KLC1: variants seen among roughly 807,000 people sequenced by gnomAD.
The protein encoded by KLC1 is kinesin 2 60/70kDa.
KLC1 carries 30 observed loss-of-function variants against 84.2 expected under a neutral mutation model. That is an observed-to-expected ratio of 0.36 (90% CI 0.27 to 0.48). The LOEUF is 0.48. Ranked by LOEUF, KLC1 falls within the 20% of genes least tolerant of loss-of-function variation. The pLI is 0.99. For synonymous variants in KLC1, 289 were observed against 293.3 expected, an observed-to-expected ratio of 0.99 and a Z score of 0.15; for missense variants, 499 against 805.4, an observed-to-expected ratio of 0.62 and a Z score of 4.60.
At chr14:103,632,710 A>G (rs1412788051) in intron 1 of KLC1, among the ~76,000 whole-genome samples, 2 of 152,102 alleles carry the variant, frequency 1.3e-5, no homozygotes, top group Non-Finnish European at 2.9e-5. Flanking sequence ...AACAAGAGCA[A>G]AACTCTGCCT....
chr14:103,697,424 T>TG (rs1402505463), intron 15 of KLC1, among the ~76,000 whole-genome samples: 12 of 151,740 alleles, frequency 7.9e-5, no homozygotes, highest in Admixed American at 6.6e-4. Context: ...GCACATAAGG[T>TG]GGGGGGTGAC....
At chr14:103,692,482 G>C in intron 15 of KLC1, 57 bp downstream of exon 15, 2 of 1,457,958 alleles carry the variant, frequency 1.4e-6, no homozygotes, top group Non-Finnish European at 9.3e-7. Flanking sequence ...TGGCAGGTCT[G>C]CTGCAGACCC....
chr14:103,677,648 A>C lies in KLC1; in HGVS notation c.1488+125A>C, dbSNP rs1595506607. 4.4e-6 allele frequency: 3 copies of C among 680,520 alleles called. No individual in the cohort carries two copies. The African/African-American group carries it at 5.4e-5, about 12-fold the overall frequency. The allele number at this position is 680,520 out of a possible 1,614,324, so 42.2% of individuals were successfully genotyped here. A position where few individuals can be genotyped will look rare whatever the true frequency, so the allele number is the denominator to read the frequency against. On this transcript the variant is annotated intron_variant, in intron 12 of 16. Transcript: ENST00000334553. ...ATGTTGATTATTTTAGTTTGAACAA[A>C]TAAAGTTATATTGTTTAAAAGAGCA... is the stretch of plus-strand genomic sequence containing the variant.
rs1333541777 is a variant in KLC1, at chr14:103,696,340, C to T, written c.1848+3915C>T. Reference sequence around the variant, plus strand: ...GGGTGGCACGGGGCACTCTCATGGGCAGCACTTGGTCTTGTGTTTACAGTA... The same window carrying T: ...GGGTGGCACGGGGCACTCTCATGGGTAGCACTTGGTCTTGTGTTTACAGTA... On this transcript the variant is annotated intron_variant, in intron 15 of 16. Coordinates refer to ENST00000334553, the MANE Select transcript of KLC1 (RefSeq NM_001394837.1). 13 of 985,272 alleles carry T rather than the reference C, an allele frequency of 1.3e-5. No individual in the cohort carries two copies. In the East Asian group the frequency reaches 9.1e-4, roughly 69 times the overall value. 61.0% of individuals were successfully genotyped at this position (985,272 alleles called of 1,614,324 possible).
chr14:103,693,473 G>A lies in KLC1; in HGVS notation c.1848+1048G>A, dbSNP rs1042326513. ...TAGATTTAGCTGTGCAGCTGGTACT[G>A]TTAGGCCTGAGGCCATTTGAAGCTG... is the stretch of plus-strand genomic sequence containing the variant. On this transcript the variant is annotated intron_variant, in intron 15 of 16. Transcript: ENST00000334553. This position sits in a 1 kb window ranked among gnomAD's most constrained non-coding sequence, Gnocchi z 5.1. 1.3e-6 allele frequency: 2 copies of A among 1,529,852 alleles called. No homozygotes were observed. The highest frequency in any genetic ancestry group is 2.7e-5 in the African/African-American group (2 of 73,020). 94.8% of individuals were successfully genotyped at this position (1,529,852 alleles called of 1,614,324 possible).
chr14:103,641,337 C>G (rs941736695), intron 1 of KLC1, among the ~76,000 whole-genome samples: 1 of 147,358 alleles, frequency 6.8e-6, no homozygotes, highest in Non-Finnish European at 1.5e-5. Context: ...GTCATCATGC[C>G]TCCTGCTCTG....
At chr14:103,657,315 A>T (rs2078912122) in intron 2 of KLC1, among the ~76,000 whole-genome samples, 1 of 151,928 alleles carries the variant, frequency 6.6e-6, no homozygotes, top group Admixed American at 6.6e-5. Flanking sequence ...TCAAAAAAAT[A>T]AGTATTTTTT....
At chr14:103,642,091 C>T (rs1057445674) in intron 1 of KLC1, among the ~76,000 whole-genome samples, 10 of 151,966 alleles carry the variant, frequency 6.6e-5, no homozygotes, top group Non-Finnish European at 2.9e-5. Context: ...CCACCATGCC[C>T]GGCTAATTTT....
At chr14:103,669,972 T>C (rs925046965) in intron 6 of KLC1, among the ~76,000 whole-genome samples, 3 of 152,234 alleles carry the variant, frequency 2.0e-5, no homozygotes, top group Non-Finnish European at 4.4e-5. Context: ...AATACGTTGT[T>C]GATTTGTTTA....
chr14:103,670,337 TGG>T, intron 7 of KLC1, 54 bp downstream of exon 7: 1 of 1,209,306 alleles, frequency 8.3e-7, no homozygotes, highest in African/African-American at 1.6e-5. Context: ...TGTGTGTGTG[TGG>T]TTTTTTTTTT....
At chr14:103,676,593 C>T (rs1294585478) in intron 11 of KLC1, among the ~76,000 whole-genome samples, 1 of 152,108 alleles carries the variant, frequency 6.6e-6, no homozygotes, top group East Asian at 1.9e-4. Context: ...TCCTTTAAGA[C>T]TCAGCCTACC....
intron 1 of KLC1, among the ~76,000 whole-genome samples, chr14:103,649,941 C>T (rs965736728): frequency 1.6e-4 from 24 of 152,196 alleles, no homozygotes; most frequent in African/African-American, 5.1e-4. Context: ...GTGATCCGCC[C>T]GCCTCCACCT....
At chr14:103,645,792 C>T (rs1174482413) in intron 1 of KLC1, among the ~76,000 whole-genome samples, 2 of 149,874 alleles carry the variant, frequency 1.3e-5, no homozygotes, top group African/African-American at 4.9e-5. Context: ...GAGTCTCGCT[C>T]TGTTGCCCAG....
Position 103,694,371 on chromosome 14 carries a change from C to T in KLC1, c.1848+1946C>T, listed in dbSNP as rs919787777. 64 of 938,636 alleles carry T rather than the reference C, an allele frequency of 6.8e-5. No homozygotes were observed. The highest frequency in any genetic ancestry group is 7.9e-5 in the Non-Finnish European group (62 of 787,684). 58.1% of individuals were successfully genotyped at this position (938,636 alleles called of 1,614,324 possible). A position where few individuals can be genotyped will look rare whatever the true frequency, so the allele number is the denominator to read the frequency against. On this transcript the variant is annotated intron_variant, in intron 15 of 16. Transcript: ENST00000334553. The surrounding 1 kb of genome is among the most constrained non-coding windows in gnomAD (Gnocchi z 4.5). ...GGTTCACGCCATTCTCCTGCCTCAG[C>T]CTCCCGAGTAGCTGGGACTACAGGC... is the stretch of plus-strand genomic sequence containing the variant.
chr14:103,650,979 A>G (rs2078387146), intron 1 of KLC1, among the ~76,000 whole-genome samples: 1 of 152,064 alleles, frequency 6.6e-6, no homozygotes, highest in Non-Finnish European at 1.5e-5. Context: ...TGTCCTAAGT[A>G]GACTTGTCAG....
chr14:103,658,789 C>T (rs1186979416), intron 3 of KLC1, among the ~76,000 whole-genome samples: 2 of 150,874 alleles, frequency 1.3e-5, no homozygotes, highest in Non-Finnish European at 2.9e-5. Flanking sequence ...TCCCGAGTAG[C>T]TGGGACTACA....
Position 103,693,598 on chromosome 14 carries a change from C to T in KLC1, c.1848+1173C>T, listed in dbSNP as rs761315737. 6 of 1,535,992 alleles carry T rather than the reference C, an allele frequency of 3.9e-6. No homozygotes were observed. In the African/African-American group the frequency reaches 8.2e-5, roughly 21 times the overall value. ...CGACTCGCGAGCTCTGAGTGCCAGCCACACTGACCTGGCCCACTGAGAGCC... is the reference window on the plus strand; with the variant it reads ...CGACTCGCGAGCTCTGAGTGCCAGCTACACTGACCTGGCCCACTGAGAGCC... On this transcript the variant is annotated intron_variant, in intron 15 of 16. Coordinates refer to ENST00000334553, the MANE Select transcript of KLC1 (RefSeq NM_001394837.1). The surrounding 1 kb of genome is among the most constrained non-coding windows in gnomAD (Gnocchi z 5.1).
In KLC1 at chr14:103,701,269, A is replaced by G; in HGVS notation, c.*70A>G. 6.6e-7 allele frequency: 1 copy of G among 1,519,116 alleles called. No homozygotes were observed. The highest frequency in any genetic ancestry group is 8.9e-7 in the Non-Finnish European group (1 of 1,123,300). The allele number at this position is 1,519,116 out of a possible 1,614,324, so 94.1% of individuals were successfully genotyped here. A position where few individuals can be genotyped will look rare whatever the true frequency, so the allele number is the denominator to read the frequency against. ...GGCCCGGAGCTGGCCCGGGACAGCC[A>G]GGGCGGCAGGGAGGGCCCCTGGCCG... On this transcript the variant is annotated 3_prime_UTR_variant, in exon 17 of 17. Transcript: ENST00000334553.
At chr14:103,682,321 G>C (rs1350226707) in intron 13 of KLC1, 1 of 150,414 alleles carries the variant, frequency 6.6e-6, no homozygotes, top group Non-Finnish European at 1.5e-5. Context: ...CGTGAGCCAA[G>C]ATCACGTCAC....
Sources: gnomAD v4.1 joint callset for allele counts (sites outside exome capture counted in the v4.1 genomes callset) on GRCh38, gnomAD v4.1.1 for gene constraint, Gnocchi (gnomAD v3.1) non-coding constraint, MANE v1.5 for transcripts, NCBI Gene and HGNC (gene_info 2026-07-23, HGNC 2026-07-21) for gene names.